Variants in ERP44 observed in about 807,000 individuals in gnomAD.
ERP44 encodes endoplasmic reticulum resident protein 44.
A neutral mutation model predicts 53.4 loss-of-function variants in ERP44; 25 were observed. The ratio of observed to expected loss-of-function variants is 0.47; its 90% CI spans 0.34 to 0.65. ERP44 has a LOEUF of 0.65. Among genes scored for constraint, ERP44 ranks in the 30% least tolerant of loss-of-function variants. The pLI is 0.01. For synonymous variants in ERP44, 145 were observed against 161.2 expected, an observed-to-expected ratio of 0.90 and a Z score of 0.76; for missense variants, 338 against 493.2, an observed-to-expected ratio of 0.69 and a Z score of 2.98.
rs1826049614 is a variant in ERP44 at position 100,052,517 on chromosome 9, C to T, written c.186G>A (p.Gln62=). 1 of 1,607,326 alleles carries T rather than the reference C, an allele frequency of 6.2e-7. No homozygotes were observed. The highest frequency in any genetic ancestry group is 8.5e-7 in the Non-Finnish European group (1 of 1,174,928). Residue 62 remains glutamine, a synonymous_variant, in exon 4 of 12, where the codon CAG becomes CAA. Coordinates refer to ENST00000262455, the MANE Select transcript of ERP44 (RefSeq NM_015051.3). ...NFYADWCRFS[Q]MLHPIFEEAS... ...CTTCCTCAAAAATTGGATGCAACAT[C>T]TGACTGAAACGACACCTATACACAG...
intron 10 of ERP44, among the ~76,000 whole-genome samples, chr9:99,985,606 G>C (rs903581598): frequency 1.3e-5 from 2 of 152,190 alleles, no homozygotes; most frequent in Admixed American, 6.5e-5. Flanking sequence ...TTAACGTAAA[G>C]CTTGTGAGCC....
chr9:100,000,023 G>C (rs1306099246), intron 10 of ERP44, among the ~76,000 whole-genome samples: 1 of 151,812 alleles, frequency 6.6e-6, no homozygotes, highest in Non-Finnish European at 1.5e-5. Flanking sequence ...CCATAACCAG[G>C]GTCTCTAGTT....
chr9:100,013,400 A>C (rs924863040), intron 8 of ERP44, among the ~76,000 whole-genome samples: 1 of 151,340 alleles, frequency 6.6e-6, no homozygotes, highest in Admixed American at 6.6e-5. Context: ...ATAATAAAAC[A>C]CTTTTTGAAA....
chr9:99,983,834 T>C (rs866024594), intron 11 of ERP44, among the ~76,000 whole-genome samples: 1 of 152,244 alleles, frequency 6.6e-6, no homozygotes, highest in African/African-American at 2.4e-5. Flanking sequence ...TGAAATAAGC[T>C]GAAATTAATT....
chr9:100,070,576 A>C (rs1343589444), intron 1 of ERP44, among the ~76,000 whole-genome samples: 1 of 152,250 alleles, frequency 6.6e-6, no homozygotes, highest in Non-Finnish European at 1.5e-5. Context: ...CCACACTGTT[A>C]CTGAACAATC....
At chr9:100,049,307 A>G (rs1363239839) in intron 4 of ERP44, among the ~76,000 whole-genome samples, 2 of 152,168 alleles carry the variant, frequency 1.3e-5, no homozygotes, top group African/African-American at 4.8e-5. Context: ...TGTGGTGGAA[A>G]GGCCACTGGG....
rs1587950824 is a variant in ERP44 at position 99,979,991 on chromosome 9, C to G, written c.*2621G>C. The G allele has an allele frequency of 5.0e-6, 2 of 398,554 alleles. No homozygotes were observed. The highest frequency in any genetic ancestry group is 7.1e-5 in the East Asian group (2 of 28,086). The allele number at this position is 398,554 out of a possible 1,614,324, so 24.7% of individuals were successfully genotyped here. A position where few individuals can be genotyped will look rare whatever the true frequency, so the allele number is the denominator to read the frequency against. The stretch of plus-strand genomic sequence containing the variant: ...CATTTCTTTTTCTAGCTTCCCCAAC[C>G]CCAAATGCCTTACTAAAAGAACTTT... On this transcript the variant is annotated 3_prime_UTR_variant, in exon 12 of 12. Transcript: ENST00000262455.
At position 100,041,305 on chromosome 9, in the gene ERP44, A is replaced by T. The variant is rs927840998; in HGVS notation, c.286+11112T>A. The stretch of plus-strand genomic sequence containing the variant: ...AAAGTAATTGCGGTTTTTTGCCATA[A>T]AAAAAAAAGGGCAAAAATCGCAATT... On this transcript the variant is annotated intron_variant, in intron 4 of 11. Coordinates refer to ENST00000262455, the MANE Select transcript of ERP44 (RefSeq NM_015051.3). Among the ~76,000 whole-genome samples the T allele has an allele frequency of 1.2e-3, 21 of 17,328 alleles. No homozygotes were observed. In the African/African-American group the frequency reaches 0.018, roughly 14 times the overall value. The allele number at this position is 17,328 out of a possible 152,430, so 11.4% of individuals were successfully genotyped here. A position where few individuals can be genotyped will look rare whatever the true frequency, so the allele number is the denominator to read the frequency against.
At chr9:100,007,305 C>A (rs1424191971) in intron 9 of ERP44, among the ~76,000 whole-genome samples, 2 of 152,302 alleles carry the variant, frequency 1.3e-5, no homozygotes, top group Non-Finnish European at 2.9e-5. Context: ...AAGGCAAGTG[C>A]CCAGAACTAA....
chr9:99,986,691 T>A (rs1322578507), intron 10 of ERP44, among the ~76,000 whole-genome samples: 1 of 152,186 alleles, frequency 6.6e-6, no homozygotes, highest in Non-Finnish European at 1.5e-5. Context: ...TATACCCATT[T>A]TGGCTCCCCA....
At chr9:100,055,699 A>G (rs904960901) in intron 3 of ERP44, among the ~76,000 whole-genome samples, 13 of 152,190 alleles carry the variant, frequency 8.5e-5, no homozygotes, top group Admixed American at 2.0e-4. Flanking sequence ...GTACACCTCT[A>G]TCAAAATATC....
rs994490594 is a variant in ERP44 at position 100,098,693 on chromosome 9, A to G, written c.57+91T>C. On this transcript the variant is annotated intron_variant, in intron 1 of 11. Transcript: ENST00000262455. ...CCAAAACACTGCAGGAAAAGACGGA[A>G]AAGCAGGGGCAGGAGTAGCAGTGTT... is the stretch of plus-strand genomic sequence containing the variant. 22 of 1,087,670 alleles carry G rather than the reference A, an allele frequency of 2.0e-5. No individual in the cohort carries two copies. In the African/African-American group the frequency reaches 3.4e-4, roughly 17 times the overall value. The allele number at this position is 1,087,670 out of a possible 1,614,324, so 67.4% of individuals were successfully genotyped here.
intron 4 of ERP44, among the ~76,000 whole-genome samples, chr9:100,033,050 G>A (rs972126324): frequency 1.3e-5 from 2 of 151,472 alleles, no homozygotes; most frequent in African/African-American, 4.8e-5. Context: ...ATTAAGTAAA[G>A]TATACTCCTG....
At chr9:99,998,758 G>A (rs1564086352) in intron 10 of ERP44, 6 of 769,612 alleles carry the variant, frequency 7.8e-6, no homozygotes, top group African/African-American at 1.8e-5. Context: ...TCCCGCAAAC[G>A]TTTCTTTTCT....
chr9:100,037,140 C>T (rs1310158476), intron 4 of ERP44, among the ~76,000 whole-genome samples: 2 of 152,186 alleles, frequency 1.3e-5, no homozygotes, highest in East Asian at 1.9e-4. Context: ...CATCCCCTGG[C>T]AGCAGCTGCA....
Position 100,007,634 on chromosome 9 carries a change from G to T in ERP44, c.818C>A (p.Thr273Lys), listed in dbSNP as rs1367149680. The change falls in exon 9 of 12, where the codon ACA (threonine) becomes AAA (lysine). Residue 273 changes from threonine to lysine, a missense_variant. Coordinates refer to ENST00000262455, the MANE Select transcript of ERP44 (RefSeq NM_015051.3). Reference sequence around the variant, plus strand: ...ATTCTGGAATATTTCTAAACTTTCTGTATCTTCTTTCATGTGAAAGAGTAT... The same window carrying T: ...ATTCTGGAATATTTCTAAACTTTCTTTATCTTCTTTCATGTGAAAGAGTAT... ...FLILFHMKED[T>K]ESLEIFQNEV... 3.1e-6 allele frequency: 5 copies of T among 1,605,536 alleles called. No individual in the cohort carries two copies. In the South Asian group the frequency reaches 4.4e-5, roughly 14 times the overall value.
chr9:100,021,544 G>GT (rs1176742989), intron 5 of ERP44, among the ~76,000 whole-genome samples: 7 of 152,214 alleles, frequency 4.6e-5, no homozygotes, highest in African/African-American at 1.4e-4. Flanking sequence ...ATTGGTGATT[G>GT]TGATAAAGCC....
At chr9:100,019,237 G>C (rs1830557820) in intron 6 of ERP44, among the ~76,000 whole-genome samples, 1 of 152,144 alleles carries the variant, frequency 6.6e-6, no homozygotes, top group South Asian at 2.1e-4. Flanking sequence ...CTGCAGGACT[G>C]TGCTTGCAGC....
intron 4 of ERP44, among the ~76,000 whole-genome samples, chr9:100,031,330 C>CA (rs1825785668): frequency 6.6e-6 from 1 of 152,116 alleles, no homozygotes; most frequent in Admixed American, 6.5e-5. Flanking sequence ...ATAGTTTGCT[C>CA]AAAAAATTAT....
Sources: allele counts gnomAD v4.1 joint callset (sites outside exome capture counted in the v4.1 genomes callset), GRCh38; gene constraint gnomAD v4.1.1; transcripts MANE v1.5; gene names NCBI Gene and HGNC (gene_info 2026-07-23, HGNC 2026-07-21).